THSD4: variants seen among roughly 807,000 people sequenced by gnomAD.
THSD4 encodes the protein thrombospondin type-1 domain-containing protein 4.
A neutral mutation model predicts 119.0 loss-of-function variants in THSD4; 69 were observed. That is an observed-to-expected ratio of 0.58 (90% CI 0.48 to 0.71). The LOEUF (loss-of-function observed/expected upper bound fraction) is 0.71, where lower values mean the gene tolerates loss of function less well. Among genes scored for constraint, THSD4 ranks in the 30% least tolerant of loss-of-function variants. The pLI is 0.00. For synonymous variants in THSD4, 524 were observed against 540.4 expected, an observed-to-expected ratio of 0.97 and a Z score of 0.42; for missense variants, 1,393 against 1,391.1, an observed-to-expected ratio of 1.00 and a Z score of -0.02.
intron 10 of THSD4, among the ~76,000 whole-genome samples, chr15:71,737,061 C>T (rs2053128018): frequency 6.6e-6 from 1 of 152,214 alleles, no homozygotes; most frequent in Admixed American, 6.5e-5. Context: ...CATAGTATTC[C>T]ATTTTGTACT....
chr15:71,364,248 T>A (rs538668041), intron 6 of THSD4, among the ~76,000 whole-genome samples: 17 of 152,352 alleles, frequency 1.1e-4, no homozygotes, highest in Admixed American at 2.6e-4. Flanking sequence ...AGCCCCAGCC[T>A]GCTACCCATC....
chr15:71,205,113 C>T (rs1387644617), intron 3 of THSD4, among the ~76,000 whole-genome samples: 1 of 152,120 alleles, frequency 6.6e-6, no homozygotes, highest in Admixed American at 6.5e-5. Flanking sequence ...TTCTTATTCA[C>T]TAGGTTTGGT....
At chr15:71,616,302 T>C (rs2050318023) in intron 7 of THSD4, among the ~76,000 whole-genome samples, 1 of 152,154 alleles carries the variant, frequency 6.6e-6, no homozygotes, top group Non-Finnish European at 1.5e-5. Context: ...AATCTAATTG[T>C]GGAATGTCTT....
chr15:71,418,969 T>C lies in THSD4; in HGVS notation c.1152+7146T>C, dbSNP rs530809880. On this transcript the variant is annotated intron_variant, in intron 7 of 17. Coordinates refer to ENST00000261862, the MANE Select transcript of THSD4 (RefSeq NM_024817.3). ...TCCGGTTTATTGACATATAGTTGCT[T>C]ATAGTAGTCACTGTTGATCCTTTGA... Among the ~76,000 whole-genome samples, 2 of 108,428 alleles carry C rather than the reference T, an allele frequency of 1.8e-5. 1 individual carries two copies. The highest frequency in any genetic ancestry group is 6.2e-5 in the African/African-American group (2 of 32,110). The allele number at this position is 108,428 out of a possible 152,430, so 71.1% of individuals were successfully genotyped here.
At chr15:71,703,911 G>A (rs1039649172) in intron 8 of THSD4, among the ~76,000 whole-genome samples, 4 of 152,084 alleles carry the variant, frequency 2.6e-5, no homozygotes, top group Admixed American at 6.5e-5. Flanking sequence ...GTGCAGTGGC[G>A]CGATCTCTGC....
chr15:71,336,386 A>G (rs2045490144), intron 6 of THSD4, among the ~76,000 whole-genome samples: 1 of 152,250 alleles, frequency 6.6e-6, no homozygotes, highest in Non-Finnish European at 1.5e-5. Context: ...CAAGTTATAG[A>G]AAAGTTAAAA....
In THSD4 at chr15:71,593,281, G is replaced by A. The variant is rs796850987; in HGVS notation, c.1153-67249G>A. 6.0e-5 allele frequency among the ~76,000 whole-genome samples: 2 copies of A among 33,264 alleles called. 1 individual carries two copies. Among genetic ancestry groups the A allele is most frequent in the African/African-American group, 1.1e-4 (2 of 17,458 alleles). 21.8% of individuals were successfully genotyped at this position (33,264 alleles called of 152,430 possible). A position where few individuals can be genotyped will look rare whatever the true frequency, so the allele number is the denominator to read the frequency against. ...CTACTAAAAATACAAAAAATTAGCC[G>A]GGCGTAGTGGCGGGCGCCTGTAGTC... On this transcript the variant is annotated intron_variant, in intron 7 of 17. Coordinates refer to ENST00000261862, the MANE Select transcript of THSD4 (RefSeq NM_024817.3).
chr15:71,193,052 T>C (rs2043686769), intron 3 of THSD4, among the ~76,000 whole-genome samples: 1 of 152,190 alleles, frequency 6.6e-6, no homozygotes, highest in Non-Finnish European at 1.5e-5. Flanking sequence ...TGCAAACCGC[T>C]GACTGCACAG....
chr15:71,255,955 GA>G (rs1198224951), intron 5 of THSD4, among the ~76,000 whole-genome samples: 10 of 152,172 alleles, frequency 6.6e-5, no homozygotes, highest in Non-Finnish European at 1.2e-4. Flanking sequence ...CTCTTTGAGA[GA>G]ATGGAGTAAA....
chr15:71,409,568 C>T (rs1306221440), intron 6 of THSD4, among the ~76,000 whole-genome samples: 1 of 152,166 alleles, frequency 6.6e-6, no homozygotes, highest in Non-Finnish European at 1.5e-5. Context: ...CAAATCACCT[C>T]TTACATCTTT....
At chr15:71,494,877 C>A (rs181830457) in intron 7 of THSD4, among the ~76,000 whole-genome samples, 1 of 152,110 alleles carries the variant, frequency 6.6e-6, no homozygotes, top group African/African-American at 2.4e-5. Context: ...TTTTGTAAAT[C>A]GACATATTTT....
At chr15:71,227,522 G>GGAGCCTGCAC (rs1328617731) in intron 4 of THSD4, among the ~76,000 whole-genome samples, 1 of 152,216 alleles carries the variant, frequency 6.6e-6, no homozygotes, top group Non-Finnish European at 1.5e-5. Context: ...CCTACCTGCA[G>GGAGCCTGCAC]GAGCCTGCAC....
intron 3 of THSD4, among the ~76,000 whole-genome samples, chr15:71,189,963 C>T (rs1567151623): frequency 6.6e-6 from 1 of 152,188 alleles, no homozygotes; most frequent in Non-Finnish European, 1.5e-5. Flanking sequence ...CCACGCACTG[C>T]TGGGGTGGAA....
intron 2 of THSD4, 107 bp from the exon 3 acceptor site, chr15:71,154,756 G>A: frequency 1.8e-6 from 2 of 1,104,244 alleles, no homozygotes; most frequent in Non-Finnish European, 2.8e-6. Flanking sequence ...GGCCTGGGTT[G>A]GGCTGTTCCC....
At chr15:71,519,780 TTGAAGGA>T (rs2048413011) in intron 7 of THSD4, among the ~76,000 whole-genome samples, 1 of 152,136 alleles carries the variant, frequency 6.6e-6, no homozygotes, top group African/African-American at 2.4e-5. Flanking sequence ...CTGGAGGTTT[TTGAAGGA>T]GGAGGATAGT....
intron 6 of THSD4, among the ~76,000 whole-genome samples, chr15:71,327,292 C>A (rs2045359116): frequency 6.6e-6 from 1 of 152,102 alleles, no homozygotes; most frequent in South Asian, 2.1e-4. Context: ...TATGGAGGGG[C>A]TCACACTGTC....
chr15:71,382,718 G>A (rs960590896), intron 6 of THSD4, among the ~76,000 whole-genome samples: 4 of 151,806 alleles, frequency 2.6e-5, no homozygotes, highest in Non-Finnish European at 5.9e-5. Flanking sequence ...AATTTCTCAT[G>A]GAATAAATAA....
Position 71,243,214 on chromosome 15 carries a change from T to G in THSD4, c.912+118T>G, listed in dbSNP as rs528169444. 23 of 997,550 alleles carry G rather than the reference T, an allele frequency of 2.3e-5. No homozygotes were observed. The African/African-American group carries it at 3.7e-4, about 16-fold the overall frequency. The allele number at this position is 997,550 out of a possible 1,614,324, so 61.8% of individuals were successfully genotyped here. A position where few individuals can be genotyped will look rare whatever the true frequency, so the allele number is the denominator to read the frequency against. ...GGTGTCTGGGCCATGTTAACACACC[T>G]TTTAATCTTCCTCCTTTCTCTTTGC... On this transcript the variant is annotated intron_variant, in intron 5 of 17. Coordinates refer to ENST00000261862, the MANE Select transcript of THSD4 (RefSeq NM_024817.3).
chr15:71,373,301 A>T (rs1233250112), intron 6 of THSD4, among the ~76,000 whole-genome samples: 1 of 152,174 alleles, frequency 6.6e-6, no homozygotes, highest in African/African-American at 2.4e-5. Context: ...AAATGTAGTG[A>T]ATTTTGTATT....
Sources: gnomAD v4.1 joint callset for allele counts (sites outside exome capture counted in the v4.1 genomes callset) on GRCh38, gnomAD v4.1.1 for gene constraint, MANE v1.5 for transcripts, NCBI Gene and HGNC (gene_info 2026-07-23, HGNC 2026-07-21) for gene names.